The following GPR176 variants were observed in gnomAD, a reference collection of about 807,000 sequenced individuals.
GPR176 encodes the protein G protein-coupled receptor 176.
A neutral mutation model predicts 35.4 loss-of-function variants in GPR176; 26 were observed. The observed-to-expected ratio is 0.74, with a 90% CI of 0.54 to 1.02. The LOEUF (loss-of-function observed/expected upper bound fraction) is 1.02, where lower values mean the gene tolerates loss of function less well. GPR176 is among the 50% of genes least tolerant of loss of function. The pLI is 0.00. For missense variants in GPR176, 597 were observed against 665.3 expected, an observed-to-expected ratio of 0.90 and a Z score of 1.13; for synonymous variants, 278 against 271.3, an observed-to-expected ratio of 1.02 and a Z score of -0.24.
chr15:39,802,891 T>G (rs965015907), intron 2 of GPR176, among the ~76,000 whole-genome samples: 3 of 152,232 alleles, frequency 2.0e-5, no homozygotes, highest in Non-Finnish European at 4.4e-5. Flanking sequence ...ATTGCTCCCA[T>G]GATAATCACT....
chr15:39,849,751 G>A (rs1313390377), intron 1 of GPR176, among the ~76,000 whole-genome samples: 1 of 152,100 alleles, frequency 6.6e-6, no homozygotes, highest in Non-Finnish European at 1.5e-5. Flanking sequence ...TCCTAAACGT[G>A]ATAAACATTT....
intron 1 of GPR176, among the ~76,000 whole-genome samples, chr15:39,853,434 AT>A (rs2031004326): frequency 6.6e-6 from 1 of 152,166 alleles, no homozygotes; most frequent in Non-Finnish European, 1.5e-5. Flanking sequence ...TTGCTGTTCA[AT>A]GGATGTAGAG....
chr15:39,846,986 TACA>T (rs77391000), intron 1 of GPR176, among the ~76,000 whole-genome samples: 27,778 of 151,940 alleles, frequency 0.18, 2,871 homozygotes, highest in Admixed American at 0.33. Flanking sequence ...AGGAAATAGT[TACA>T]ACAACTAAAA....
chr15:39,914,652 A>G (rs1168880287), intron 1 of GPR176, among the ~76,000 whole-genome samples: 2 of 152,338 alleles, frequency 1.3e-5, no homozygotes, highest in South Asian at 2.1e-4. Context: ...GTTTTTAGGC[A>G]TACAAAAGAC....
At chr15:39,878,137 G>GTGTGTGTGTTA (rs2032328260) in intron 1 of GPR176, among the ~76,000 whole-genome samples, 1 of 22,078 alleles carries the variant, frequency 4.5e-5, no homozygotes, top group Non-Finnish European at 1.5e-4. Context: ...TGTGTGTGTT[G>GTGTGTGTGTTA]AGAACATTTA....
chr15:39,836,476 G>A (rs1901405303), intron 1 of GPR176, among the ~76,000 whole-genome samples: 1 of 152,064 alleles, frequency 6.6e-6, no homozygotes, highest in Non-Finnish European at 1.5e-5. Flanking sequence ...ACCCTCCCCA[G>A]AAGCAGATGT....
intron 1 of GPR176, among the ~76,000 whole-genome samples, chr15:39,874,259 A>G (rs923217174): frequency 2.6e-5 from 4 of 152,190 alleles, no homozygotes; most frequent in Non-Finnish European, 4.4e-5. Context: ...TAACTCCCCA[A>G]GAGTTGACAA....
At position 39,888,374 on chromosome 15, in the gene GPR176, C is replaced by G. The variant is rs147867614; in HGVS notation, c.172+31481G>C. Among the ~76,000 whole-genome samples the G allele has an allele frequency of 5.0e-3, 758 of 152,260 alleles. 6 individuals are homozygous for G. The highest frequency in any genetic ancestry group is 0.018 in the African/African-American group (729 of 41,550). On this transcript the variant is annotated intron_variant, in intron 1 of 2. Transcript: ENST00000561100. Reference sequence around the variant, plus strand: ...GATCATAGCTCTCTGTATCCTTAAACTCCTGGGCTCAAGCAATCCTCTCAC... The same window carrying G: ...GATCATAGCTCTCTGTATCCTTAAAGTCCTGGGCTCAAGCAATCCTCTCAC...
intron 1 of GPR176, among the ~76,000 whole-genome samples, chr15:39,857,262 C>A (rs1202444081): frequency 6.6e-6 from 1 of 152,200 alleles, no homozygotes; most frequent in Admixed American, 6.5e-5. Flanking sequence ...GGCAGCAGGG[C>A]AAACTCATTA....
Position 39,920,109 on chromosome 15 carries a change from G to T in GPR176, c.-83C>A, listed in dbSNP as rs1380208285. The T allele has an allele frequency of 3.1e-6, 3 of 980,870 alleles. No individual in the cohort carries two copies. The highest frequency in any genetic ancestry group is 4.0e-6 in the Non-Finnish European group (3 of 746,170). 60.8% of individuals were successfully genotyped at this position (980,870 alleles called of 1,614,324 possible). A position where few individuals can be genotyped will look rare whatever the true frequency, so the allele number is the denominator to read the frequency against. ...TCTCCTCCTCCGGGTGAGGAGGGAC[G>T]CGCGGGCGCCTGGCGGAGTCCTGGA... On this transcript the variant is annotated 5_prime_UTR_variant, in exon 1 of 3. Coordinates refer to ENST00000561100, the MANE Select transcript of GPR176 (RefSeq NM_007223.3).
intron 1 of GPR176, among the ~76,000 whole-genome samples, chr15:39,830,576 G>A (rs1334443005): frequency 2.6e-5 from 4 of 152,164 alleles, no homozygotes; most frequent in Non-Finnish European, 5.9e-5. Flanking sequence ...GTTTAGTGAG[G>A]CCAGAGGCTA....
intron 1 of GPR176, among the ~76,000 whole-genome samples, chr15:39,816,836 C>T (rs376497068): frequency 1.9e-4 from 29 of 152,094 alleles, no homozygotes; most frequent in African/African-American, 6.8e-4. Context: ...AGGAGGATTG[C>T]TTGAGGCCAG....
Position 39,801,527 on chromosome 15 carries a change from C to T in GPR176, c.1153G>A (p.Glu385Lys), listed in dbSNP as rs371135047. 13 of 1,614,174 alleles carry T rather than the reference C, an allele frequency of 8.1e-6. No individual in the cohort carries two copies. In the African/African-American group the frequency reaches 1.6e-4, roughly 20 times the overall value. ...IGQQQIFKPT[E>K]DEEESEAKYI... ...TTGGCCTCACTCTCTTCCTCATCCT[C>T]TGTGGGCTTAAAGATCTGCTGCTGC... Residue 385 changes from glutamate (E) to lysine (K), a missense_variant, in exon 3 of 3, where the codon GAG becomes AAG. By Grantham distance (56) the Glu-to-Lys change is moderately conservative (BLOSUM62 1). Coordinates refer to ENST00000561100, the MANE Select transcript of GPR176 (RefSeq NM_007223.3).
At chr15:39,831,657 C>T (rs950651575) in intron 1 of GPR176, among the ~76,000 whole-genome samples, 1 of 152,112 alleles carries the variant, frequency 6.6e-6, no homozygotes, top group Non-Finnish European at 1.5e-5. Context: ...ATTATCTCCC[C>T]TAAAATCCTT....
Position 39,920,074 on chromosome 15 carries a change from G to A in GPR176, c.-48C>T, listed in dbSNP as rs1427041484. ...CGCGCGCCGCCCGCCTCGGAGCCCC[G>A]CGCGGAGCCTCTCCTCCTCCGGGTG... On this transcript the variant is annotated 5_prime_UTR_variant, in exon 1 of 3. Coordinates refer to ENST00000561100, the MANE Select transcript of GPR176 (RefSeq NM_007223.3). 1.8e-5 allele frequency: 22 copies of A among 1,237,018 alleles called. No individual in the cohort carries two copies. The highest frequency in any genetic ancestry group is 3.1e-5 in the African/African-American group (2 of 63,834). The allele number at this position is 1,237,018 out of a possible 1,614,324, so 76.6% of individuals were successfully genotyped here.
intron 1 of GPR176, among the ~76,000 whole-genome samples, chr15:39,816,875 C>G (rs1433717268): frequency 6.6e-6 from 1 of 151,694 alleles, no homozygotes; most frequent in Admixed American, 6.6e-5. Context: ...GTCAACATAG[C>G]AAGACCTCAT....
chr15:39,810,139 C>CA (rs1217329545), intron 1 of GPR176, among the ~76,000 whole-genome samples: 1,431 of 66,068 alleles, frequency 0.022, 17 homozygotes, highest in African/African-American at 0.054. Flanking sequence ...GACTCCGTCT[C>CA]AAAAAAAAAA....
chr15:39,832,836 T>G (rs911664494), intron 1 of GPR176, among the ~76,000 whole-genome samples: 2 of 152,184 alleles, frequency 1.3e-5, no homozygotes, highest in Admixed American at 6.6e-5. Flanking sequence ...TCCTTCCATC[T>G]TCAAAGCCAA....
intron 1 of GPR176, among the ~76,000 whole-genome samples, chr15:39,842,055 C>T (rs1272835754): frequency 1.3e-5 from 2 of 152,024 alleles, no homozygotes; most frequent in Admixed American, 1.3e-4. Context: ...TCTGTGTCCC[C>T]CTCTCCCAAA....
Sources: gnomAD v4.1 joint callset for allele counts (sites outside exome capture counted in the v4.1 genomes callset) on GRCh38, gnomAD v4.1.1 for gene constraint, MANE v1.5 for transcripts, NCBI Gene and HGNC (gene_info 2026-07-23, HGNC 2026-07-21) for gene names.